Variants in AKAP19 observed in about 807,000 individuals in gnomAD.
AKAP19 encodes small A-kinase anchoring protein.
the AKAP19 span, among the ~76,000 whole-genome samples, chr2:190,197,584 C>T: frequency 4.6e-5 from 7 of 152,170 alleles, no homozygotes; most frequent in Non-Finnish European, 8.8e-5. The surrounding 1 kb of genome is among the most constrained non-coding windows in gnomAD (Gnocchi z 4.0). Context: ...CTCTGACTCT[C>T]CTGGGGCTCA....
chr2:190,074,072 C>A, the AKAP19 span, among the ~76,000 whole-genome samples: 1 of 151,234 alleles, frequency 6.6e-6, no homozygotes, highest in Non-Finnish European at 1.5e-5. Context: ...TGCAGAATAT[C>A]TAGGCTCCAT....
the AKAP19 span, chr2:190,199,633 C>A: frequency 1.4e-5 from 14 of 1,009,758 alleles, no homozygotes; most frequent in South Asian, 3.0e-5. Context: ...TTTTTACATG[C>A]CACTCAATCA....
chr2:190,101,804 CAAAT>C, the AKAP19 span, among the ~76,000 whole-genome samples: 1 of 152,064 alleles, frequency 6.6e-6, no homozygotes, highest in Non-Finnish European at 1.5e-5. Flanking sequence ...AGAAAACTAA[CAAAT>C]ACATTCTGGA....
chr2:190,062,195 T>A, the AKAP19 span: 1 of 1,611,040 alleles, frequency 6.2e-7, no homozygotes, highest in Non-Finnish European at 8.5e-7. Context: ...TCAGCAGAAC[T>A]GTTGATATAC....
At chr2:189,983,008 T>C in the AKAP19 span, among the ~76,000 whole-genome samples, 1 of 152,140 alleles carries the variant, frequency 6.6e-6, no homozygotes, top group Non-Finnish European at 1.5e-5. Flanking sequence ...GAGTAAGAGA[T>C]AGCTTACCCT....
the AKAP19 span, chr2:190,057,712 AT>A: frequency 1.3e-6 from 2 of 1,490,400 alleles, no homozygotes; most frequent in Non-Finnish European, 1.9e-6. Context: ...TTAAGAAGTT[AT>A]TGTTGAAGTA....
chr2:190,094,944 G>C, the AKAP19 span, among the ~76,000 whole-genome samples: 1 of 152,236 alleles, frequency 6.6e-6, no homozygotes, highest in Non-Finnish European at 1.5e-5. Flanking sequence ...GAGTAAATAG[G>C]CCGGGCGCGG....
the AKAP19 span, among the ~76,000 whole-genome samples, chr2:189,980,755 T>A: frequency 6.6e-6 from 1 of 152,346 alleles, no homozygotes; most frequent in African/African-American, 2.4e-5. Flanking sequence ...ATCTCTTGAT[T>A]TCTGCCTTAA....
the AKAP19 span, among the ~76,000 whole-genome samples, chr2:189,945,000 G>A: frequency 6.6e-6 from 1 of 152,076 alleles, no homozygotes; most frequent in African/African-American, 2.4e-5. Flanking sequence ...TGACCAAATG[G>A]TCAATGAAGA....
At chr2:190,148,469 T>A in the AKAP19 span, among the ~76,000 whole-genome samples, 2 of 152,186 alleles carry the variant, frequency 1.3e-5, no homozygotes, top group African/African-American at 4.8e-5. Context: ...GTAGTTTTCT[T>A]TTTTGGTTAT....
chr2:189,928,098 T>C, the AKAP19 span, among the ~76,000 whole-genome samples: 1 of 152,188 alleles, frequency 6.6e-6, no homozygotes, highest in East Asian at 1.9e-4. Flanking sequence ...AATTAATTTA[T>C]CTTTCAGGTC....
chr2:190,191,685 A>G, the AKAP19 span, among the ~76,000 whole-genome samples: 31 of 152,326 alleles, frequency 2.0e-4, no homozygotes, highest in African/African-American at 7.0e-4. Context: ...GTTTCTTATC[A>G]TGGCTGTAAT....
chr2:190,119,586 C>A, the AKAP19 span, among the ~76,000 whole-genome samples: 3 of 152,188 alleles, frequency 2.0e-5, no homozygotes, highest in African/African-American at 4.8e-5. Flanking sequence ...CAGTTTCTAA[C>A]GGCTTGCATT....
chr2:189,972,274 C>T, the AKAP19 span, among the ~76,000 whole-genome samples: 1 of 152,106 alleles, frequency 6.6e-6, no homozygotes, highest in Non-Finnish European at 1.5e-5. Context: ...TCAGGTTTGT[C>T]AAAGATCAGA....
the AKAP19 span, among the ~76,000 whole-genome samples, chr2:190,080,730 T>C: frequency 6.6e-6 from 1 of 152,250 alleles, no homozygotes; most frequent in Non-Finnish European, 1.5e-5. Flanking sequence ...TAGAGAATTA[T>C]ACAAGGGTCT....
At chr2:190,166,494 C>T in the AKAP19 span, among the ~76,000 whole-genome samples, 3 of 151,108 alleles carry the variant, frequency 2.0e-5, no homozygotes, top group Admixed American at 6.6e-5. Context: ...AACTATAGGT[C>T]GATATCACTC....
chr2:189,924,745 A>G, the AKAP19 span, among the ~76,000 whole-genome samples: 1 of 152,176 alleles, frequency 6.6e-6, no homozygotes, highest in Non-Finnish European at 1.5e-5. Flanking sequence ...TGTCAAATGC[A>G]TCCTCTAGAA....
chr2:190,143,473 T>C, the AKAP19 span, among the ~76,000 whole-genome samples: 1 of 152,266 alleles, frequency 6.6e-6, no homozygotes, highest in African/African-American at 2.4e-5. Context: ...GTTAATCACA[T>C]TACACCTTGT....
the AKAP19 span, among the ~76,000 whole-genome samples, chr2:190,025,463 AT>A: frequency 6.6e-5 from 10 of 152,124 alleles, no homozygotes; most frequent in Non-Finnish European, 1.0e-4. Flanking sequence ...ATTTCTATAA[AT>A]TTTGACAATT....
Sources: gnomAD v4.1 joint callset for allele counts (sites outside exome capture counted in the v4.1 genomes callset) on GRCh38, gnomAD v4.1.1 for gene constraint, Gnocchi (gnomAD v3.1) non-coding constraint, MANE v1.5 for transcripts, NCBI Gene and HGNC (gene_info 2026-07-23, HGNC 2026-07-21) for gene names.